The following DDI2 variants were observed in gnomAD, a reference collection of about 807,000 sequenced individuals.
DDI2 encodes the protein protein DDI1 homolog 2.
In DDI2, 5 loss-of-function variants were observed where a neutral mutation model predicts 48.1. The observed-to-expected ratio is 0.10, with a 90% CI of 0.05 to 0.22. The LOEUF (loss-of-function observed/expected upper bound fraction) is 0.22. Ranked by LOEUF, DDI2 falls within the 10% of genes least tolerant of loss-of-function variation. DDI2 has a pLI of 1.00. For missense variants in DDI2, 285 were observed against 506.2 expected (o/e 0.56, Z 4.19); for synonymous variants, 205 against 183.6 (o/e 1.12, Z -0.94).
Position 15,656,620 on chromosome 1 carries a change from G to A in DDI2, c.1187G>A (p.Arg396His), listed in dbSNP as rs200176580. Residue 396 changes from arginine (R) to histidine (H), a missense_variant, in exon 9 of 10, where the codon CGT (arginine) becomes CAT (histidine). Arg to His is a conservative substitution (Grantham distance 29). Coordinates refer to ENST00000480945, the MANE Select transcript of DDI2 (RefSeq NM_032341.5). ...GTCTGTTTCCTAATTCACACAGAGC[G>A]TCAGAAGCCATGATGCATGTAGTGT... ...ALQKSAEDAE[R>H]QKP is the part of the protein sequence containing the mutation. The A allele has an allele frequency of 1.7e-5, 28 of 1,614,170 alleles. 1 individual carries two copies. The highest frequency in any genetic ancestry group is 2.3e-5 in the Non-Finnish European group (27 of 1,180,024).
intron 8 of DDI2, among the ~76,000 whole-genome samples, 163 bp downstream of exon 8, chr1:15,652,058 C>CTTTTTTTTTT (rs772990709): frequency 7.9e-5 from 6 of 75,978 alleles, no homozygotes; most frequent in East Asian, 8.7e-4. Flanking sequence ...TTTGATCTTC[C>CTTTTTTTTTT]TTTTTTTTTT....
intron 1 of DDI2, among the ~76,000 whole-genome samples, chr1:15,620,731 T>A (rs1639646346): frequency 6.6e-6 from 1 of 152,204 alleles, no homozygotes; most frequent in Admixed American, 6.5e-5. Flanking sequence ...GTATACATTA[T>A]ATATGGCCAC....
Position 15,660,712 on chromosome 1 carries a change from T to C in DDI2, c.*922T>C, listed in dbSNP as rs1640356906. ...GAACATTGGTGCATTGGATCTCACT[T>C]TAGATAATCCCTTGATGGAAGTAGA... On this transcript the variant is annotated 3_prime_UTR_variant, in exon 10 of 10. Coordinates refer to ENST00000480945, the MANE Select transcript of DDI2 (RefSeq NM_032341.5). 1.9e-6 allele frequency: 3 copies of C among 1,613,922 alleles called. No homozygotes were observed. Among genetic ancestry groups the C allele is most frequent in the Non-Finnish European group, 2.5e-6 (3 of 1,179,972 alleles).
intron 8 of DDI2, 50 bp downstream of exon 8, chr1:15,651,945 C>T (rs374907871): frequency 3.8e-5 from 60 of 1,560,394 alleles, no homozygotes; most frequent in Middle Eastern, 3.9e-4. Flanking sequence ...TGGGTAAGCC[C>T]GGGAAGTGTG....
chr1:15,624,530 C>T (rs1639721752), intron 1 of DDI2, among the ~76,000 whole-genome samples: 1 of 152,050 alleles, frequency 6.6e-6, no homozygotes, highest in South Asian at 2.1e-4. Flanking sequence ...TGCAGTGGTG[C>T]AACCGCAGCT....
chr1:15,661,579 A>AT lies in DDI2; in HGVS notation c.*1794dup, dbSNP rs766613921. The AT allele has an allele frequency of 1.9e-5, 31 of 1,613,992 alleles. No homozygotes were observed. The African/African-American group carries it at 3.9e-4, about 20-fold the overall frequency. On this transcript the variant is annotated 3_prime_UTR_variant, in exon 10 of 10. Transcript: ENST00000480945. The stretch of plus-strand genomic sequence containing the variant: ...AAGTCCTGCCATTCTTCCACCATTG[A>AT]TTTTTCCTGCCACAGATATTGACCG...
intron 1 of DDI2, among the ~76,000 whole-genome samples, chr1:15,623,962 G>A (rs2103461395): frequency 6.6e-6 from 1 of 152,244 alleles, no homozygotes; most frequent in East Asian, 1.9e-4. Flanking sequence ...TACTCAGGAG[G>A]CTGAAGCAGG....
chr1:15,634,123 A>G (rs1308658659), intron 4 of DDI2: 2 of 189,562 alleles, frequency 1.1e-5, no homozygotes, highest in Non-Finnish European at 2.2e-5. Flanking sequence ...GGTGGTTCTC[A>G]CCTGGGGCTA....
chr1:15,650,962 C>G (rs1640169929), intron 7 of DDI2, among the ~76,000 whole-genome samples: 3 of 152,186 alleles, frequency 2.0e-5, no homozygotes, highest in African/African-American at 7.2e-5. Context: ...TCACGCCATT[C>G]TCCTGCCTCA....
At chr1:15,637,601 C>T (rs530755877) in intron 4 of DDI2, among the ~76,000 whole-genome samples, 56 of 152,324 alleles carry the variant, frequency 3.7e-4, no homozygotes, top group African/African-American at 1.3e-3. Context: ...CTCCTGACCT[C>T]CGGTGATCCA....
At chr1:15,621,652 C>T (rs1329872493) in intron 1 of DDI2, among the ~76,000 whole-genome samples, 1 of 152,096 alleles carries the variant, frequency 6.6e-6, no homozygotes, top group Non-Finnish European at 1.5e-5. Flanking sequence ...TCCCAGAGTG[C>T]TGGGATTACA....
rs779055774 is a variant in DDI2, at chr1:15,661,141, G to C, written c.*1351G>C. On this transcript the variant is annotated 3_prime_UTR_variant, in exon 10 of 10. Coordinates refer to ENST00000480945, the MANE Select transcript of DDI2 (RefSeq NM_032341.5). ...TCATCAGGCCATATCTGTATCAGTG[G>C]AGACAGAAAAATTAACAGGTACTTC... 1 of 1,613,880 alleles carries C rather than the reference G, an allele frequency of 6.2e-7. No individual in the cohort carries two copies. Among genetic ancestry groups the C allele is most frequent in the African/African-American group, 1.3e-5 (1 of 74,900 alleles).
At position 15,660,867 on chromosome 1, in the gene DDI2, T is replaced by C. The variant is rs1371623015; in HGVS notation, c.*1077T>C. 6.2e-7 allele frequency: 1 copy of C among 1,614,170 alleles called. No individual in the cohort carries two copies. Among genetic ancestry groups the C allele is most frequent in the East Asian group, 2.2e-5 (1 of 44,882 alleles). ...AATATGGCCATTACTCCTCTCCAAG[T>C]CTCTGTGGCAGTTGTCAGCCTTCTG... On this transcript the variant is annotated 3_prime_UTR_variant, in exon 10 of 10. Coordinates refer to ENST00000480945, the MANE Select transcript of DDI2 (RefSeq NM_032341.5).
intron 8 of DDI2, among the ~76,000 whole-genome samples, chr1:15,653,948 AG>A (rs1640232490): frequency 6.6e-6 from 1 of 152,134 alleles, no homozygotes; most frequent in Non-Finnish European, 1.5e-5. Context: ...GTAATGATGG[AG>A]CTAAGTTTTC....
chr1:15,658,664 G>C (rs1332936101), intron 9 of DDI2, among the ~76,000 whole-genome samples: 1 of 151,374 alleles, frequency 6.6e-6, no homozygotes, highest in African/African-American at 2.4e-5. Flanking sequence ...TGAGGCAGGA[G>C]AATCGCTTGG....
At chr1:15,643,053 C>T (rs370522815) in intron 5 of DDI2, among the ~76,000 whole-genome samples, 19 of 151,846 alleles carry the variant, frequency 1.3e-4, no homozygotes, top group South Asian at 1.2e-3. Context: ...GGCGACAGAG[C>T]GAGACTGTCT....
At chr1:15,637,435 G>A (rs980220108) in intron 4 of DDI2, among the ~76,000 whole-genome samples, 1 of 152,070 alleles carries the variant, frequency 6.6e-6, no homozygotes, top group South Asian at 2.1e-4. Context: ...GTAGTCGTGC[G>A]ATCTTGGCTG....
At chr1:15,624,386 A>T (rs375691061) in intron 1 of DDI2, among the ~76,000 whole-genome samples, 2 of 152,122 alleles carry the variant, frequency 1.3e-5, no homozygotes, top group South Asian at 2.1e-4. Flanking sequence ...TTTTACTGTG[A>T]AATTTGTGTT....
intron 2 of DDI2, 145 bp downstream of exon 2, chr1:15,626,943 A>G (rs1250992054): frequency 9.5e-7 from 1 of 1,052,700 alleles, no homozygotes; most frequent in Admixed American, 2.9e-5. Context: ...GTAACCTTGA[A>G]CAAGTATTTT....
Sources: allele counts gnomAD v4.1 joint callset (sites outside exome capture counted in the v4.1 genomes callset), GRCh38; gene constraint gnomAD v4.1.1; transcripts MANE v1.5; gene names NCBI Gene and HGNC (gene_info 2026-07-23, HGNC 2026-07-21).